The following SMPDL3A variants were observed in gnomAD, a reference collection of about 807,000 sequenced individuals.
SMPDL3A encodes the protein sphingomyelin phosphodiesterase acid like 3A.
In SMPDL3A, 39 loss-of-function variants were observed where a neutral mutation model predicts 38.5. That is an observed-to-expected ratio of 1.01 (90% CI 0.78 to 1.32). The LOEUF (loss-of-function observed/expected upper bound fraction) is 1.32. SMPDL3A is among the 40% of genes most tolerant of loss of function. The pLI, the probability that SMPDL3A is intolerant of heterozygous loss-of-function variation, is 0.00. For synonymous variants in SMPDL3A, 180 were observed against 194.3 expected (o/e 0.93, Z 0.61); for missense variants, 502 against 536.2 (o/e 0.94, Z 0.63).
At chr6:122,807,117 T>C (rs558879313) in intron 7 of SMPDL3A, among the ~76,000 whole-genome samples, 86 of 151,432 alleles carry the variant, frequency 5.7e-4, no homozygotes, top group African/African-American at 2.0e-3. Flanking sequence ...CCCAGGCTGG[T>C]CTTGAACTCT....
In SMPDL3A at chr6:122,809,102, G is replaced by A; in HGVS notation, c.1056G>A (p.Gln352=). 1.2e-6 allele frequency: 2 copies of A among 1,613,726 alleles called. No homozygotes were observed. Among genetic ancestry groups the A allele is most frequent in the African/African-American group, 2.7e-5 (2 of 75,046 alleles). Residue 352 remains glutamine, a synonymous_variant, in exon 8 of 8, where the codon CAG becomes CAA. Transcript: ENST00000368440. ...PRDYKLLDML[Q]YYLNLTEANL... is the part of the protein sequence containing the mutation. ...GTTCTTAACTGCAGGATATGTTGCA[G>A]TATTACTTGAATCTGACAGAGGCGA...
rs768535786 is a variant in SMPDL3A at position 122,795,891 on chromosome 6, G to A, written c.326+1G>A. The stretch of plus-strand genomic sequence containing the variant: ...AAGCATCTTTCATGATATGGACAGG[G>A]TAAGTGATTATACAAGTACCATTAA... On this transcript the variant is annotated splice_donor_variant, in intron 2 of 7. Coordinates refer to ENST00000368440, the MANE Select transcript of SMPDL3A (RefSeq NM_006714.5). LOFTEE classifies it high-confidence loss of function. 7 of 1,595,642 alleles carry A rather than the reference G, an allele frequency of 4.4e-6. No individual in the cohort carries two copies. Among genetic ancestry groups the A allele is most frequent in the Middle Eastern group, 3.3e-4 (2 of 5,974 alleles).
intron 4 of SMPDL3A, among the ~76,000 whole-genome samples, chr6:122,802,944 A>G (rs946681740): frequency 1.4e-4 from 21 of 152,162 alleles, no homozygotes; most frequent in Non-Finnish European, 7.3e-5. Context: ...TTCAAACCCA[A>G]CTGACCTGCT....
chr6:122,807,140 A>C (rs1351995863), intron 7 of SMPDL3A, among the ~76,000 whole-genome samples: 1 of 151,292 alleles, frequency 6.6e-6, no homozygotes, highest in Non-Finnish European at 1.5e-5. Flanking sequence ...GGCTCAAGTG[A>C]TCCTCCCACA....
intron 6 of SMPDL3A, among the ~76,000 whole-genome samples, chr6:122,805,696 C>T (rs983483187): frequency 1.3e-5 from 2 of 152,206 alleles, no homozygotes; most frequent in African/African-American, 4.8e-5. Flanking sequence ...GATCTCGGCT[C>T]ACTGCAACCT....
chr6:122,805,047 C>T lies in SMPDL3A; in HGVS notation c.877C>T (p.His293Tyr), dbSNP rs200506289. The change falls in exon 6 of 8, where the codon CAC becomes TAC. Residue 293 changes from histidine to tyrosine, a missense_variant. His to Tyr is a moderately conservative substitution (Grantham distance 83). Transcript: ENST00000368440. ...TGTCATTGCAGGACAATTTTATGGA[C>T]ACACTCACAGAGACAGCATTATGGT... is the stretch of plus-strand genomic sequence containing the variant. Reference protein sequence around the residue: ...SDVIAGQFYGHTHRDSIMVLS... With the variant: ...SDVIAGQFYGYTHRDSIMVLS... 1.5e-5 allele frequency: 24 copies of T among 1,612,618 alleles called. No homozygotes were observed. In the East Asian group the frequency reaches 5.1e-4, roughly 34 times the overall value.
intron 4 of SMPDL3A, among the ~76,000 whole-genome samples, chr6:122,803,461 CG>C (rs1381013957): frequency 1.3e-5 from 2 of 152,134 alleles, no homozygotes; most frequent in Non-Finnish European, 2.9e-5. Flanking sequence ...AGCGATAGCA[CG>C]GGGCCTGGCA....
chr6:122,806,909 T>C (rs1431776673), intron 7 of SMPDL3A, among the ~76,000 whole-genome samples: 2 of 152,194 alleles, frequency 1.3e-5, no homozygotes, highest in Non-Finnish European at 2.9e-5. Context: ...CAAGATTTTA[T>C]TTTCAAGTTC....
At chr6:122,794,161 A>AATTT (rs890686172) in intron 1 of SMPDL3A, among the ~76,000 whole-genome samples, 1 of 152,344 alleles carries the variant, frequency 6.6e-6, no homozygotes, top group Admixed American at 6.5e-5. Flanking sequence ...AATGAGGACC[A>AATTT]TAATTCCCAG....
At position 122,802,169 on chromosome 6, in the gene SMPDL3A, G is replaced by A. The variant is rs943343453; in HGVS notation, c.568+763G>A. Among the ~76,000 whole-genome samples the A allele has an allele frequency of 1.0e-4, 15 of 148,150 alleles. 1 individual carries two copies. The highest frequency in any genetic ancestry group is 3.7e-4 in the African/African-American group (15 of 40,368). On this transcript the variant is annotated intron_variant, in intron 4 of 7. Coordinates refer to ENST00000368440, the MANE Select transcript of SMPDL3A (RefSeq NM_006714.5). ...TAGCTTAGAATTAGACTATGGTTCT[G>A]ATTAATCTAGGGAACTATATCTAGT... is the stretch of plus-strand genomic sequence containing the variant.
chr6:122,809,045 A>T (rs1245988153), intron 7 of SMPDL3A, 46 bp from the exon 8 acceptor site: 1 of 1,435,378 alleles, frequency 7.0e-7, no homozygotes, highest in Non-Finnish European at 9.8e-7. Context: ...ACAATGCCTT[A>T]TGTGCCAAAA....
At chr6:122,805,167 T>C in intron 6 of SMPDL3A, 78 bp downstream of exon 6, 1 of 1,216,078 alleles carries the variant, frequency 8.2e-7, no homozygotes, top group Non-Finnish European at 1.1e-6. Context: ...AATTTGCTGA[T>C]TTAGTAAATT....
At chr6:122,789,523 C>T in intron 1 of SMPDL3A, 65 bp downstream of exon 1, 2 of 1,390,032 alleles carry the variant, frequency 1.4e-6, no homozygotes, top group East Asian at 2.5e-5. Context: ...CGCCTGCGCA[C>T]AGCAGGAGAA....
rs772812315 is a variant in SMPDL3A at position 122,804,973 on chromosome 6, G to A, written c.803G>A (p.Arg268Lys). 1.9e-6 allele frequency: 3 copies of A among 1,613,380 alleles called. No homozygotes were observed. The highest frequency in any genetic ancestry group is 1.1e-5 in the South Asian group (1 of 90,840). ...LPSSQNITAM[R>K]EYYNEKLIDI... is the part of the protein sequence containing the mutation. Reference sequence around the variant, plus strand: ...TCTTCACAGAACATCACAGCAATGAGAGAATACTATAATGAGAAATTGATA... The same window carrying A: ...TCTTCACAGAACATCACAGCAATGAAAGAATACTATAATGAGAAATTGATA... The change falls in exon 6 of 8, where the codon AGA (arginine) becomes AAA (lysine). Residue 268 changes from arginine to lysine, a missense_variant. Coordinates refer to ENST00000368440, the MANE Select transcript of SMPDL3A (RefSeq NM_006714.5).
At chr6:122,791,883 C>A (rs1472001472) in intron 1 of SMPDL3A, among the ~76,000 whole-genome samples, 1 of 152,070 alleles carries the variant, frequency 6.6e-6, no homozygotes, top group Non-Finnish European at 1.5e-5. Context: ...TTAGTAGAGA[C>A]GGGGTTTCAC....
At chr6:122,796,646 T>A (rs1046907288) in intron 2 of SMPDL3A, among the ~76,000 whole-genome samples, 178 bp from the exon 3 acceptor site, 4 of 152,222 alleles carry the variant, frequency 2.6e-5, no homozygotes, top group Admixed American at 1.3e-4. Context: ...GTTAATTTTC[T>A]TTTATAGGAT....
intron 3 of SMPDL3A, among the ~76,000 whole-genome samples, chr6:122,799,496 C>G (rs963122729): frequency 6.6e-6 from 1 of 152,166 alleles, no homozygotes; most frequent in Non-Finnish European, 1.5e-5. Flanking sequence ...CTAAGCTTCT[C>G]CATCACCACA....
chr6:122,789,718 C>T (rs891326601), intron 1 of SMPDL3A: 1 of 611,404 alleles, frequency 1.6e-6, no homozygotes, highest in Non-Finnish European at 2.0e-6. Flanking sequence ...TCCAAGGGCG[C>T]GTCGGCCGGA....
chr6:122,801,322 G>A lies in SMPDL3A; in HGVS notation c.484G>A (p.Val162Ile). Residue 162 changes from valine to isoleucine, a missense_variant, in exon 4 of 8, where the codon GTA becomes ATA. Coordinates refer to ENST00000368440, the MANE Select transcript of SMPDL3A (RefSeq NM_006714.5). ...HDYWPQDQLP[V>I]VTSKVYNAVA... ...TGTTTGTGGCCAGGATCAACTGCCT[G>A]TAGTCACCAGTAAAGTGTACAATGC... 1 of 1,612,108 alleles carries A rather than the reference G, an allele frequency of 6.2e-7. No individual in the cohort carries two copies. The highest frequency in any genetic ancestry group is 1.7e-4 in the Middle Eastern group (1 of 6,054).
Sources: gnomAD v4.1 joint callset for allele counts (sites outside exome capture counted in the v4.1 genomes callset) on GRCh38, gnomAD v4.1.1 for gene constraint, MANE v1.5 for transcripts, NCBI Gene and HGNC (gene_info 2026-07-23, HGNC 2026-07-21) for gene names.